The following NIPAL2 variants were observed in gnomAD, a reference collection of about 807,000 sequenced individuals.
The protein encoded by NIPAL2 is NIPA-like protein 2.
NIPAL2 carries 43 observed loss-of-function variants against 48.9 expected under a neutral mutation model. The observed-to-expected ratio is 0.88, with a 90% confidence interval of 0.69 to 1.13. The LOEUF (loss-of-function observed/expected upper bound fraction) is 1.13. Among genes scored for constraint, NIPAL2 ranks in the 50% most tolerant of loss-of-function variants. NIPAL2 has a pLI of 0.00. For missense variants in NIPAL2, 446 were observed against 461.4 expected, an observed-to-expected ratio of 0.97 and a Z score of 0.31; for synonymous variants, 167 against 174.6, an observed-to-expected ratio of 0.96 and a Z score of 0.34.
chr8:98,207,556 T>C (rs1811096725), intron 6 of NIPAL2, among the ~76,000 whole-genome samples: 1 of 152,150 alleles, frequency 6.6e-6, no homozygotes. Context: ...TCAGTGGTTA[T>C]CTCTAGCACT....
At chr8:98,277,420 C>G (rs1374150410) in intron 1 of NIPAL2, among the ~76,000 whole-genome samples, 2 of 151,932 alleles carry the variant, frequency 1.3e-5, no homozygotes, top group East Asian at 3.9e-4. Context: ...GTCTATAGTC[C>G]CAGCTAGTTG....
At chr8:98,230,591 G>A (rs768434887) in intron 4 of NIPAL2, among the ~76,000 whole-genome samples, 33 of 152,172 alleles carry the variant, frequency 2.2e-4, no homozygotes, top group Non-Finnish European at 3.7e-4. Context: ...TGTTTTGGGG[G>A]AATATTTTAT....
intron 4 of NIPAL2, among the ~76,000 whole-genome samples, chr8:98,233,396 T>A (rs1812544568): frequency 6.6e-6 from 1 of 152,058 alleles, no homozygotes; most frequent in Admixed American, 6.6e-5. Context: ...ACATTTTTAG[T>A]ATTACCTCTT....
intron 5 of NIPAL2, among the ~76,000 whole-genome samples, chr8:98,215,648 C>G (rs984157697): frequency 2.0e-5 from 3 of 152,290 alleles, no homozygotes; most frequent in East Asian, 1.9e-4. Context: ...TGATAGGCAG[C>G]ATAATGGCCC....
rs1443826294 is a variant in NIPAL2 at position 98,191,662 on chromosome 8, C to T, written c.*1316G>A. The T allele has an allele frequency of 6.6e-6, 1 of 152,214 alleles. No homozygotes were observed. Among genetic ancestry groups the T allele is most frequent in the Non-Finnish European group, 1.5e-5 (1 of 68,052 alleles). 9.4% of individuals were successfully genotyped at this position (152,214 alleles called of 1,614,324 possible). ...AAGTGATCTGAAGGCTTTGAAATGT[C>T]ATTAAGGGTGGGACTTATTGTTGGA... On this transcript the variant is annotated 3_prime_UTR_variant, in exon 11 of 11. Transcript: ENST00000430223.
intron 1 of NIPAL2, among the ~76,000 whole-genome samples, chr8:98,265,124 A>G (rs1187985014): frequency 4.5e-5 from 6 of 134,046 alleles, no homozygotes; most frequent in Non-Finnish European, 7.9e-5. Context: ...TTATACAAAA[A>G]TCAATTCAAG....
chr8:98,234,883 T>C (rs1211209934), intron 4 of NIPAL2, among the ~76,000 whole-genome samples: 1 of 152,046 alleles, frequency 6.6e-6, no homozygotes, highest in Non-Finnish European at 1.5e-5. Flanking sequence ...TCCATACAAC[T>C]TCCCCAAATG....
intron 1 of NIPAL2, among the ~76,000 whole-genome samples, chr8:98,261,156 G>C (rs373279850): frequency 2.2e-4 from 31 of 140,772 alleles, no homozygotes; most frequent in South Asian, 4.6e-4. Context: ...ACCAAAAGTA[G>C]ATAAAACCAC....
intron 1 of NIPAL2, among the ~76,000 whole-genome samples, chr8:98,258,348 A>C (rs1814033531): frequency 6.6e-6 from 1 of 152,242 alleles, no homozygotes; most frequent in South Asian, 2.1e-4. Context: ...GTGCCACAGA[A>C]GTGTACACTT....
At chr8:98,229,484 C>T (rs1273530012) in intron 4 of NIPAL2, among the ~76,000 whole-genome samples, 1 of 152,158 alleles carries the variant, frequency 6.6e-6, no homozygotes, top group Non-Finnish European at 1.5e-5. Flanking sequence ...GTGATCATTT[C>T]ATCTTGGCCT....
chr8:98,246,259 T>C (rs1813301638), intron 3 of NIPAL2, among the ~76,000 whole-genome samples: 1 of 152,158 alleles, frequency 6.6e-6, no homozygotes, highest in African/African-American at 2.4e-5. Context: ...ACATTTCAGT[T>C]TAGGGCTTCA....
intron 10 of NIPAL2, 37 bp downstream of exon 10, chr8:98,194,691 G>A (rs1446604256): frequency 6.0e-6 from 7 of 1,164,314 alleles, no homozygotes; most frequent in Non-Finnish European, 7.2e-6. Context: ...CATTTATAAG[G>A]ATCAAATTTT....
intron 4 of NIPAL2, among the ~76,000 whole-genome samples, chr8:98,235,560 T>TC (rs1488283471): frequency 1.3e-5 from 2 of 152,138 alleles, no homozygotes; most frequent in African/African-American, 4.8e-5. Context: ...AACAAATATA[T>TC]CCTTTGGAGT....
At chr8:98,227,902 G>A (rs1366352685) in intron 4 of NIPAL2, among the ~76,000 whole-genome samples, 1 of 152,218 alleles carries the variant, frequency 6.6e-6, no homozygotes, top group Non-Finnish European at 1.5e-5. Flanking sequence ...AGCCCACAGT[G>A]GCAAGGCTTG....
intron 5 of NIPAL2, among the ~76,000 whole-genome samples, chr8:98,220,952 G>GTTCA (rs1294655637): frequency 7.9e-6 from 1 of 126,976 alleles, no homozygotes; most frequent in African/African-American, 3.0e-5. Flanking sequence ...TTCTCTATCA[G>GTTCA]TTCATTTCAT....
chr8:98,273,828 C>T (rs916382025), intron 1 of NIPAL2, among the ~76,000 whole-genome samples: 2 of 152,028 alleles, frequency 1.3e-5, no homozygotes, highest in Admixed American at 6.6e-5. Context: ...TACCACTATA[C>T]ATTTCCCTCT....
chr8:98,204,802 C>T (rs567004962), intron 7 of NIPAL2, among the ~76,000 whole-genome samples: 1 of 151,898 alleles, frequency 6.6e-6, no homozygotes, highest in Admixed American at 6.6e-5. Flanking sequence ...TGATTTATTG[C>T]TAATGACAAC....
At chr8:98,205,780 TAA>T (rs1811003705) in intron 6 of NIPAL2, among the ~76,000 whole-genome samples, 1 of 152,240 alleles carries the variant, frequency 6.6e-6, no homozygotes, top group Non-Finnish European at 1.5e-5. Flanking sequence ...TGAGTTGTAC[TAA>T]GTCTATATGT....
chr8:98,281,073 G>A (rs931952481), intron 1 of NIPAL2, among the ~76,000 whole-genome samples: 8 of 151,842 alleles, frequency 5.3e-5, no homozygotes, highest in African/African-American at 9.7e-5. Flanking sequence ...AAACCATTGC[G>A]CAACTGAAGA....
Sources: gnomAD v4.1 joint callset for allele counts (sites outside exome capture counted in the v4.1 genomes callset) on GRCh38, gnomAD v4.1.1 for gene constraint, MANE v1.5 for transcripts, NCBI Gene and HGNC (gene_info 2026-07-23, HGNC 2026-07-21) for gene names.